The following CNBP variants were observed in gnomAD, a reference collection of about 807,000 sequenced individuals.
CNBP encodes cellular nucleic acid-binding protein.
CNBP carries 6 observed loss-of-function variants against 21.2 expected under a neutral mutation model. The ratio of observed to expected loss-of-function variants is 0.28; its 90% CI spans 0.16 to 0.56. CNBP has a LOEUF of 0.56. CNBP is among the 20% of genes least tolerant of loss of function. CNBP has a pLI of 0.93. For missense variants in CNBP, 112 were observed against 233.1 expected, an observed-to-expected ratio of 0.48 and a Z score of 3.38; for synonymous variants, 61 against 74.9, an observed-to-expected ratio of 0.81 and a Z score of 0.96.
chr3:129,173,597 C>T (rs949086133), intron 1 of CNBP, among the ~76,000 whole-genome samples: 1 of 152,046 alleles, frequency 6.6e-6, no homozygotes, highest in African/African-American at 2.4e-5. Context: ...AAATAAAACT[C>T]CCACTAAAGC....
At chr3:129,181,653 A>AAAAAAAAAAAAAAAAG (rs1938306368) in intron 1 of CNBP, among the ~76,000 whole-genome samples, 2 of 148,668 alleles carry the variant, frequency 1.3e-5, no homozygotes, top group Non-Finnish European at 3.0e-5. Context: ...CCGTCTCAGA[A>AAAAAAAAAAAAAAAAG]AAAAAAAAAG....
intron 1 of CNBP, among the ~76,000 whole-genome samples, chr3:129,180,160 A>G (rs1345271214): frequency 1.3e-5 from 2 of 152,176 alleles, no homozygotes; most frequent in East Asian, 1.9e-4. Flanking sequence ...AGGTATTACT[A>G]CTATATATCT....
In CNBP at chr3:129,170,589, GT is replaced by G; in HGVS notation, c.417-20del. On this transcript the variant is annotated intron_variant, in intron 4 of 4. Transcript: ENST00000422453. ...ACCACACCTAAAAAAGAAATTAAAA[GT>G]TTTCACAATGGGCCTCAGAAAAAAA... The G allele has an allele frequency of 1.0e-5, 16 of 1,598,154 alleles. No individual in the cohort carries two copies. Among genetic ancestry groups the G allele is most frequent in the Non-Finnish European group, 1.4e-5 (16 of 1,165,648 alleles).
intron 1 of CNBP, among the ~76,000 whole-genome samples, chr3:129,174,349 T>TTA (rs777281468): frequency 1.7e-4 from 11 of 63,162 alleles, no homozygotes; most frequent in East Asian, 5.3e-4. Flanking sequence ...GAGTCAGAAT[T>TTA]AAAAAAAAAA....
intron 1 of CNBP, among the ~76,000 whole-genome samples, chr3:129,180,275 A>G (rs1174256827): frequency 6.6e-6 from 1 of 152,200 alleles, no homozygotes; most frequent in Non-Finnish European, 1.5e-5. Context: ...TAATACTGAT[A>G]GCTTTTTAAA....
At chr3:129,174,362 A>AAAAAAAAC (rs1553787749) in intron 1 of CNBP, among the ~76,000 whole-genome samples, 4 of 148,130 alleles carry the variant, frequency 2.7e-5, no homozygotes, top group African/African-American at 9.9e-5. Flanking sequence ...AAAAAAAAAA[A>AAAAAAAAC]AAAAAAAAAA....
At chr3:129,171,564 C>T (rs367731601) in intron 2 of CNBP, 26 bp from the exon 3 acceptor site, 146 of 1,613,776 alleles carry the variant, frequency 9.0e-5, no homozygotes, top group Non-Finnish European at 1.1e-4. Flanking sequence ...ACAAAGAATT[C>T]GGCTAGTCAG....
chr3:129,182,571 T>C (rs1337728087), intron 1 of CNBP, among the ~76,000 whole-genome samples: 1 of 152,126 alleles, frequency 6.6e-6, no homozygotes, highest in African/African-American at 2.4e-5. Context: ...TATGGAAAAA[T>C]CTAGATGGAG....
At chr3:129,181,125 A>C (rs533887433) in intron 1 of CNBP, among the ~76,000 whole-genome samples, 2 of 150,824 alleles carry the variant, frequency 1.3e-5, no homozygotes, top group African/African-American at 4.9e-5. Context: ...CTGTAATCCC[A>C]GCTACTTGGG....
intron 1 of CNBP, among the ~76,000 whole-genome samples, chr3:129,180,775 T>G (rs1938236374): frequency 6.6e-6 from 1 of 151,972 alleles, no homozygotes; most frequent in Non-Finnish European, 1.5e-5. Context: ...TTTTTTTTTT[T>G]TTAATTTTTC....
In CNBP at chr3:129,171,433, G is replaced by A; in HGVS notation, c.217+13C>T. ...CTCTAGAGGGGTATGAAAAGGAAGT[G>A]TTAAATACTTACCATCCTCCTGAAG... On this transcript the variant is annotated intron_variant, in intron 3 of 4. Coordinates refer to ENST00000422453, the MANE Select transcript of CNBP (RefSeq NM_003418.5). The A allele has an allele frequency of 6.2e-6, 10 of 1,610,742 alleles. No homozygotes were observed. Among genetic ancestry groups the A allele is most frequent in the Non-Finnish European group, 7.6e-6 (9 of 1,176,818 alleles).
chr3:129,179,941 G>A (rs1938178345), intron 1 of CNBP, among the ~76,000 whole-genome samples: 1 of 152,204 alleles, frequency 6.6e-6, no homozygotes, highest in African/African-American at 2.4e-5. Flanking sequence ...AGGAGGCAGA[G>A]GTTGCAGTGA....
intron 1 of CNBP, among the ~76,000 whole-genome samples, chr3:129,179,356 A>G (rs568621074): frequency 2.0e-5 from 3 of 152,318 alleles, no homozygotes; most frequent in African/African-American, 4.8e-5. Flanking sequence ...AGCCAGAATA[A>G]TGGAAAACAG....
intron 1 of CNBP, among the ~76,000 whole-genome samples, chr3:129,172,664 A>AGCCAGGCAGGCAGG (rs1937623506): frequency 8.7e-6 from 1 of 115,240 alleles, no homozygotes; most frequent in African/African-American, 3.3e-5. Flanking sequence ...AGGCAGACAG[A>AGCCAGGCAGGCAGG]CAGACAGACA....
intron 1 of CNBP, among the ~76,000 whole-genome samples, chr3:129,172,596 GCAGGCAGGCAGACAGGCAGACAGGCAGC>G (rs1232173393): frequency 1.2e-3 from 40 of 34,338 alleles, no homozygotes; most frequent in Middle Eastern, 0.01. Flanking sequence ...AGGCAGGCAG[GCAGGCAGGCAGACAGGCAGACAGGCAGC>G]CAGGCAGGCA....
At chr3:129,172,683 G>GAC (rs1312209322) in intron 1 of CNBP, among the ~76,000 whole-genome samples, 21 of 95,934 alleles carry the variant, frequency 2.2e-4, no homozygotes, top group East Asian at 8.1e-4. Flanking sequence ...CAGACAGACA[G>GAC]ACAGACAGAC....
chr3:129,172,687 G>C (rs965408419), intron 1 of CNBP, among the ~76,000 whole-genome samples: 4,522 of 92,380 alleles, frequency 0.049, 94 homozygotes, highest in East Asian at 0.07. Context: ...CAGACAGACA[G>C]ACAGACAGAC....
chr3:129,171,679 G>A lies in CNBP; in HGVS notation c.79C>T (p.Arg27Cys), dbSNP rs1937571713. The change falls in exon 2 of 5, where the codon CGT becomes TGT. Residue 27 changes from arginine to cysteine, a missense_variant. By Grantham distance (180) the Arg-to-Cys change is radical (BLOSUM62 -3). Transcript: ENST00000422453. ...RECPTGGGRG[R>C]GMRSRGRGGF... ...CCTCTGCCACGGCTTCTCATTCCAC[G>A]ACCACGGCCTCCACCAGTAGGACAT... 3 of 1,613,938 alleles carry A rather than the reference G, an allele frequency of 1.9e-6. No homozygotes were observed. The highest frequency in any genetic ancestry group is 1.3e-5 in the African/African-American group (1 of 74,884).
intron 1 of CNBP, among the ~76,000 whole-genome samples, chr3:129,177,604 T>C (rs1938001317): frequency 6.6e-6 from 1 of 152,210 alleles, no homozygotes; most frequent in Admixed American, 6.5e-5. Flanking sequence ...CCAATGTCTA[T>C]TACATAGCAG....
Sources: allele counts gnomAD v4.1 joint callset (sites outside exome capture counted in the v4.1 genomes callset), GRCh38; gene constraint gnomAD v4.1.1; transcripts MANE v1.5; gene names NCBI Gene and HGNC (gene_info 2026-07-23, HGNC 2026-07-21).